TBCK: variants seen among roughly 807,000 people sequenced by gnomAD.
TBCK encodes TBC1 domain containing kinase.
A neutral mutation model predicts 113.4 loss-of-function variants in TBCK; 99 were observed. That is an observed-to-expected ratio of 0.87 (90% CI 0.74 to 1.03). The LOEUF is 1.03. Among genes scored for constraint, TBCK ranks in the 50% least tolerant of loss-of-function variants. TBCK has a pLI of 0.00. For synonymous variants in TBCK, 369 were observed against 370.8 expected (o/e 1.00, Z 0.05); for missense variants, 1,045 against 1,061.3 (o/e 0.98, Z 0.21).
intron 17 of TBCK, among the ~76,000 whole-genome samples, chr4:106,232,684 A>G (rs1758999099): frequency 6.6e-6 from 1 of 151,988 alleles, no homozygotes; most frequent in South Asian, 2.1e-4. Context: ...CAAAGATCAC[A>G]ACAGCTCCAA....
At chr4:106,237,484 A>G (rs1426124777) in intron 12 of TBCK, 2 of 455,804 alleles carry the variant, frequency 4.4e-6, no homozygotes, top group African/African-American at 2.0e-5. Context: ...AGTTAATGCC[A>G]TCTTGCCTGC....
At chr4:106,147,725 C>T (rs575680915) in intron 23 of TBCK, among the ~76,000 whole-genome samples, 45 of 152,114 alleles carry the variant, frequency 3.0e-4, no homozygotes, top group Non-Finnish European at 4.9e-4. Context: ...GCATTAACTG[C>T]ATAAATTGTA....
intron 3 of TBCK, among the ~76,000 whole-genome samples, chr4:106,270,861 GA>G (rs1200398461): frequency 1.3e-5 from 2 of 152,108 alleles, no homozygotes; most frequent in African/African-American, 4.8e-5. Flanking sequence ...TATGATTGCT[GA>G]AAAAACCCTA....
intron 22 of TBCK, among the ~76,000 whole-genome samples, chr4:106,192,037 T>A (rs1753729244): frequency 6.6e-6 from 1 of 152,184 alleles, no homozygotes; most frequent in Non-Finnish European, 1.5e-5. Context: ...TTATACCATC[T>A]GTAAAGTAAA....
chr4:106,273,475 T>C (rs1050337120), intron 3 of TBCK, among the ~76,000 whole-genome samples: 2 of 152,236 alleles, frequency 1.3e-5, no homozygotes, highest in African/African-American at 2.4e-5. Context: ...GCTGGTTAGC[T>C]TGTCTGAAAG....
At chr4:106,187,088 T>C (rs749505859) in intron 22 of TBCK, among the ~76,000 whole-genome samples, 6 of 152,176 alleles carry the variant, frequency 3.9e-5, no homozygotes, top group East Asian at 1.9e-4. Context: ...ACCCATTCCA[T>C]TGATCTATGT....
At chr4:106,049,236 G>A (rs1734540839) in intron 25 of TBCK, among the ~76,000 whole-genome samples, 1 of 152,050 alleles carries the variant, frequency 6.6e-6, no homozygotes, top group Admixed American at 6.6e-5. Context: ...AGTTTTTGGA[G>A]TGCTTAGAGT....
chr4:106,122,368 T>C (rs1335871420), intron 23 of TBCK, among the ~76,000 whole-genome samples: 2 of 152,052 alleles, frequency 1.3e-5, no homozygotes, highest in Non-Finnish European at 2.9e-5. Context: ...GGAGCTGAAA[T>C]TGTGGCAATA....
At chr4:106,156,364 A>C (rs1388388593) in intron 23 of TBCK, among the ~76,000 whole-genome samples, 1 of 152,202 alleles carries the variant, frequency 6.6e-6, no homozygotes, top group Non-Finnish European at 1.5e-5. Flanking sequence ...GCTTGCTGTC[A>C]TAACTACTAT....
intron 24 of TBCK, among the ~76,000 whole-genome samples, chr4:106,100,418 G>C (rs372561981): frequency 2.6e-4 from 39 of 152,252 alleles, no homozygotes; most frequent in African/African-American, 8.7e-4. Flanking sequence ...CAACGATATA[G>C]AATTTCCCTT....
intron 3 of TBCK, among the ~76,000 whole-genome samples, chr4:106,294,284 GGTTCAA>G (rs1766035282): frequency 6.6e-6 from 1 of 151,804 alleles, no homozygotes; most frequent in Non-Finnish European, 1.5e-5. Flanking sequence ...CCGCCCCGCG[GGTTCAA>G]GCAATTCTCC....
chr4:106,264,347 T>A (rs1472506264), intron 3 of TBCK, among the ~76,000 whole-genome samples: 1 of 152,012 alleles, frequency 6.6e-6, no homozygotes, highest in East Asian at 1.9e-4. Context: ...CAGGTAGGTC[T>A]CTGGAAAATG....
intron 23 of TBCK, among the ~76,000 whole-genome samples, chr4:106,132,739 CTA>C (rs751064137): frequency 4.6e-5 from 7 of 152,220 alleles, no homozygotes; most frequent in Non-Finnish European, 1.5e-5. Flanking sequence ...CTGCCCAAGG[CTA>C]TGGGAGCACA....
intron 5 of TBCK, among the ~76,000 whole-genome samples, chr4:106,256,098 A>G (rs2150079051): frequency 6.6e-6 from 1 of 152,220 alleles, no homozygotes; most frequent in Non-Finnish European, 1.5e-5. Context: ...TGGTCCTCAG[A>G]GGGAAGAAGT....
At chr4:106,246,047 G>A (rs1267518632) in intron 10 of TBCK, among the ~76,000 whole-genome samples, 4 of 152,116 alleles carry the variant, frequency 2.6e-5, no homozygotes, top group Non-Finnish European at 5.9e-5. Flanking sequence ...CACATGGGGA[G>A]GCAACCAACA....
intron 23 of TBCK, among the ~76,000 whole-genome samples, chr4:106,128,711 G>A (rs549455226): frequency 6.6e-6 from 1 of 152,040 alleles, no homozygotes; most frequent in East Asian, 1.9e-4. Flanking sequence ...TTTCCTTAGG[G>A]TAATGTATAT....
chr4:106,183,015 A>C (rs1312654087), intron 22 of TBCK, among the ~76,000 whole-genome samples: 1 of 152,120 alleles, frequency 6.6e-6, no homozygotes, highest in African/African-American at 2.4e-5. Context: ...AATACAGCAT[A>C]GAATGTTATT....
intron 19 of TBCK, among the ~76,000 whole-genome samples, chr4:106,225,542 C>T (rs1165951898): frequency 2.6e-5 from 4 of 152,148 alleles, no homozygotes; most frequent in Non-Finnish European, 5.9e-5. Flanking sequence ...TCACTGCAAG[C>T]TCTACCTCCC....
intron 3 of TBCK, among the ~76,000 whole-genome samples, chr4:106,276,335 G>A (rs932157361): frequency 6.6e-6 from 1 of 152,088 alleles, no homozygotes; most frequent in Non-Finnish European, 1.5e-5. Flanking sequence ...TCATGACTTC[G>A]GAGTAGGCAA....
Sources: gnomAD v4.1 joint callset for allele counts (sites outside exome capture counted in the v4.1 genomes callset) on GRCh38, gnomAD v4.1.1 for gene constraint, MANE v1.5 for transcripts, NCBI Gene and HGNC (gene_info 2026-07-23, HGNC 2026-07-21) for gene names.